The following SLC2A7 variants were observed in gnomAD, a reference collection of about 807,000 sequenced individuals.
SLC2A7 encodes solute carrier family 2, facilitated glucose transporter member 7.
Under a neutral mutation model 50.5 loss-of-function variants are expected in SLC2A7, and 50 were observed. The ratio of observed to expected loss-of-function variants is 0.99; its 90% CI spans 0.79 to 1.25. The LOEUF is 1.25. SLC2A7 is among the 50% of genes most tolerant of loss of function. The pLI, the probability that SLC2A7 is intolerant of heterozygous loss-of-function variation, is 0.00. For missense variants in SLC2A7, 683 were observed against 679.1 expected, an observed-to-expected ratio of 1.01 and a Z score of -0.06; for synonymous variants, 308 against 300.4, an observed-to-expected ratio of 1.03 and a Z score of -0.26.
At chr1:9,018,718 C>T (rs943236429) in intron 4 of SLC2A7, among the ~76,000 whole-genome samples, 12 of 152,252 alleles carry the variant, frequency 7.9e-5, no homozygotes, top group Non-Finnish European at 1.3e-4. Context: ...TTCTAAAGCA[C>T]AGATTGCTTG....
intron 4 of SLC2A7, 102 bp from the exon 5 acceptor site, chr1:9,018,477 C>T (rs1246520231): frequency 1.3e-5 from 20 of 1,491,390 alleles, no homozygotes; most frequent in African/African-American, 2.8e-5. Flanking sequence ...TCCATGCTGT[C>T]AGCCCCTCCG....
downstream of SLC2A7, among the ~76,000 whole-genome samples, chr1:8,999,408 C>A (rs1332918962): frequency 6.6e-6 from 1 of 152,214 alleles, no homozygotes; most frequent in South Asian, 2.1e-4. Context: ...CGTAACACCC[C>A]CTTACTATCC....
chr1:9,013,898 A>G (rs557841377), intron 7 of SLC2A7, among the ~76,000 whole-genome samples: 56 of 152,292 alleles, frequency 3.7e-4, no homozygotes, highest in Non-Finnish European at 7.2e-4. Context: ...GTCAGACCAT[A>G]CGACCTCCAA....
rs1640678059 is a variant in SLC2A7, at chr1:9,007,783, G to C, written c.1117-398C>G. ...AGACAGAGTCTCGCTCTGTCGCCCA[G>C]GCTGAAGTGCAGTGGCACAGTCTTG... On this transcript the variant is annotated intron_variant, in intron 9 of 11. Coordinates refer to ENST00000400906, the MANE Select transcript of SLC2A7 (RefSeq NM_207420.3). Among the ~76,000 whole-genome samples the C allele has an allele frequency of 2.0e-5, 3 of 150,676 alleles. No individual in the cohort carries two copies. In the South Asian group the frequency reaches 6.3e-4, roughly 32 times the overall value.
rs774403523 is a variant in SLC2A7 at position 9,007,333 on chromosome 1, A to G, written c.1169T>C (p.Ile390Thr). ...YLGIICVFAY[I>T]AGHSIGPSPV... ...ACTGGGCCCAATGGAATGTCCCGCG[A>G]TGTAGGCAAAGACACAGATGATGCC... is the stretch of plus-strand genomic sequence containing the variant. Residue 390 changes from isoleucine to threonine, a missense_variant, in exon 10 of 12, where the codon ATC becomes ACC. Ile to Thr is a moderately conservative substitution (Grantham distance 89). Coordinates refer to ENST00000400906, the MANE Select transcript of SLC2A7 (RefSeq NM_207420.3). The G allele has an allele frequency of 5.6e-6, 9 of 1,614,082 alleles. No individual in the cohort carries two copies. Among genetic ancestry groups the G allele is most frequent in the Middle Eastern group, 1.6e-4 (1 of 6,084 alleles).
At chr1:9,018,009 G>A (rs1438626839) in intron 5 of SLC2A7, among the ~76,000 whole-genome samples, 2 of 151,842 alleles carry the variant, frequency 1.3e-5, no homozygotes, top group Non-Finnish European at 2.9e-5. Context: ...ACCCCTACCT[G>A]CCTCAGAGCC....
In SLC2A7 at chr1:9,023,018, T is replaced by A; in HGVS notation, c.211A>T (p.Lys71Ter). 1 of 1,614,194 alleles carries A rather than the reference T, an allele frequency of 6.2e-7. No individual in the cohort carries two copies. The highest frequency in any genetic ancestry group is 8.5e-7 in the Non-Finnish European group (1 of 1,180,016). Residue 71 changes from lysine (K) to a stop codon, truncating the protein, a stop_gained, in exon 3 of 12, where the codon AAG becomes TAG. Transcript: ENST00000400906. LOFTEE classifies it high-confidence loss of function. The stretch of plus-strand genomic sequence containing the variant: ...CAAGACCATAGAAGCAGCATGAGCT[T>A]CCCGTCCATGAATGTTGCGTGTCGC... Reference protein sequence around the residue: ...FERHATFMDGKLMLLLWSCTV... With the variant: ...FERHATFMDG
At chr1:8,994,259 C>T in the SLC2A7 span, among the ~76,000 whole-genome samples, 14 of 152,212 alleles carry the variant, frequency 9.2e-5, no homozygotes, top group African/African-American at 3.4e-4. Context: ...GGAACCTTGG[C>T]CTGTGCATCT....
chr1:9,022,320 C>T (rs140321875), intron 3 of SLC2A7, among the ~76,000 whole-genome samples: 2,371 of 152,310 alleles, frequency 0.016, 56 homozygotes, highest in African/African-American at 0.054. Context: ...TCCTGGGAAC[C>T]TTGGCCTGTG....
rs140820814 is a variant in SLC2A7 at position 9,013,796 on chromosome 1, G to A, written c.904-161C>T. On this transcript the variant is annotated intron_variant, in intron 7 of 11. Transcript: ENST00000400906. ...GGAAAAAGAGGCCTGACCTGGAGTC[G>A]GGACACCAGGGTGGAGCCCGGCGCT... Among the ~76,000 whole-genome samples the A allele has an allele frequency of 3.2e-4, 48 of 152,286 alleles. 1 individual carries two copies. Among genetic ancestry groups the A allele is most frequent in the African/African-American group, 1.2e-3 (48 of 41,550 alleles).
intron 8 of SLC2A7, among the ~76,000 whole-genome samples, chr1:9,012,139 C>T (rs1444076200): frequency 6.6e-6 from 1 of 152,154 alleles, no homozygotes; most frequent in Non-Finnish European, 1.5e-5. Context: ...CTCATGTTAG[C>T]TGACTCATGT....
At chr1:9,001,681 G>A (rs958451084), downstream of SLC2A7, among the ~76,000 whole-genome samples, 1 of 152,092 alleles carries the variant, frequency 6.6e-6, no homozygotes, top group Non-Finnish European at 1.5e-5. Flanking sequence ...GCCTCCCAAA[G>A]TGCTGGGTTT....
In SLC2A7 at chr1:9,008,349, G is replaced by A. The variant is rs778938030; in HGVS notation, c.1117-964C>T. ...CAAGAAGAGAAGGCAGGAGGATTGGGGCCATTCAACACTTCAAGCAAAAGC... is the reference window on the plus strand; with the variant it reads ...CAAGAAGAGAAGGCAGGAGGATTGGAGCCATTCAACACTTCAAGCAAAAGC... On this transcript the variant is annotated intron_variant, in intron 9 of 11. Coordinates refer to ENST00000400906, the MANE Select transcript of SLC2A7 (RefSeq NM_207420.3). The surrounding 1 kb of genome is among the most constrained non-coding windows in gnomAD (Gnocchi z 5.9). 1.3e-5 allele frequency among the ~76,000 whole-genome samples: 2 copies of A among 152,130 alleles called. No individual in the cohort carries two copies. Among genetic ancestry groups the A allele is most frequent in the Non-Finnish European group, 2.9e-5 (2 of 68,028 alleles).
intron 8 of SLC2A7, among the ~76,000 whole-genome samples, chr1:9,011,299 G>A (rs749948868): frequency 8.5e-5 from 13 of 152,334 alleles, no homozygotes; most frequent in East Asian, 5.8e-4. Flanking sequence ...CTTTCCAGCA[G>A]TAGCCACCTC....
intron 5 of SLC2A7, 29 bp from the exon 6 acceptor site, chr1:9,015,271 G>A (rs754749377): frequency 1.9e-5 from 29 of 1,550,302 alleles, no homozygotes; most frequent in Non-Finnish European, 2.2e-5. Flanking sequence ...TCAGGATCCC[G>A]GGGCCTGGGC....
chr1:9,024,834 G>C (rs1640970396), intron 2 of SLC2A7, 142 bp downstream of exon 2: 1 of 853,332 alleles, frequency 1.2e-6, no homozygotes, highest in Admixed American at 2.3e-5. Flanking sequence ...AGGGTACTAG[G>C]GCAAGCTGGC....
At chr1:9,004,699 T>C (rs981829921) in intron 11 of SLC2A7, 53 bp downstream of exon 11, 1 of 1,603,568 alleles carries the variant, frequency 6.2e-7, no homozygotes, top group African/African-American at 1.3e-5. Flanking sequence ...GGGGAATACA[T>C]CTTACTCCCT....
At chr1:9,011,406 C>T (rs1226320616) in intron 8 of SLC2A7, among the ~76,000 whole-genome samples, 7 of 152,302 alleles carry the variant, frequency 4.6e-5, no homozygotes, top group African/African-American at 9.6e-5. Context: ...GTAATCTCAG[C>T]GCTTTGGGAG....
chr1:9,017,887 G>A (rs1256914053), intron 5 of SLC2A7, among the ~76,000 whole-genome samples: 2 of 152,158 alleles, frequency 1.3e-5, no homozygotes, highest in Non-Finnish European at 2.9e-5. Context: ...ACTTCCCTCT[G>A]TACTGGACCA....
Sources: allele counts gnomAD v4.1 joint callset (sites outside exome capture counted in the v4.1 genomes callset), GRCh38; gene constraint gnomAD v4.1.1; non-coding constraint Gnocchi (gnomAD v3.1); transcripts MANE v1.5; gene names NCBI Gene and HGNC (gene_info 2026-07-23, HGNC 2026-07-21).